The following PLPPR5 variants were observed in gnomAD, a reference collection of about 807,000 sequenced individuals.
The protein encoded by PLPPR5 is phospholipid phosphatase related 5, also known as phospholipid phosphatase-related protein type 5.
In PLPPR5, 16 loss-of-function variants were observed where a neutral mutation model predicts 33.9. The ratio of observed to expected loss-of-function variants is 0.47; its 90% CI spans 0.32 to 0.72. The LOEUF is 0.72. Ranked by LOEUF, PLPPR5 falls within the 30% of genes least tolerant of loss-of-function variation. The pLI is 0.03. For synonymous variants in PLPPR5, 163 were observed against 150.3 expected, an observed-to-expected ratio of 1.08 and a Z score of -0.62; for missense variants, 301 against 406.7, an observed-to-expected ratio of 0.74 and a Z score of 2.23.
chr1:98,922,115 AG>A, intron 3 of PLPPR5, 57 bp from the exon 4 acceptor site: 1 of 1,495,930 alleles, frequency 6.7e-7, no homozygotes, highest in Non-Finnish European at 9.2e-7. Flanking sequence ...TTATTAGCAT[AG>A]CATATTATGT....
chr1:98,940,920 C>T (rs1031875878), intron 3 of PLPPR5, among the ~76,000 whole-genome samples: 1 of 151,820 alleles, frequency 6.6e-6, no homozygotes, highest in African/African-American at 2.4e-5. Flanking sequence ...AATCAGAAGA[C>T]ACAAAAGCAG....
chr1:98,973,284 A>G (rs373263317), intron 1 of PLPPR5, among the ~76,000 whole-genome samples: 11 of 152,218 alleles, frequency 7.2e-5, no homozygotes, highest in African/African-American at 2.6e-4. Flanking sequence ...ATAAATACAA[A>G]TAATTGCAAT....
intron 1 of PLPPR5, among the ~76,000 whole-genome samples, chr1:98,997,988 T>C (rs1284682947): frequency 3.3e-5 from 5 of 150,642 alleles, no homozygotes; most frequent in African/African-American, 9.8e-5. Context: ...GTGGAAGAGG[T>C]GAAGGGAGAA....
At chr1:98,900,338 A>T (rs943016538) in intron 5 of PLPPR5, among the ~76,000 whole-genome samples, 1 of 152,044 alleles carries the variant, frequency 6.6e-6, no homozygotes, top group Non-Finnish European at 1.5e-5. Flanking sequence ...CACTTGGCTC[A>T]TGGTCCTGAA....
chr1:98,966,833 T>C (rs1302976919), intron 1 of PLPPR5, among the ~76,000 whole-genome samples: 1 of 152,142 alleles, frequency 6.6e-6, no homozygotes, highest in Admixed American at 6.5e-5. Context: ...CTGGGAAAGA[T>C]ATATGTCTAT....
intron 3 of PLPPR5, among the ~76,000 whole-genome samples, chr1:98,949,194 A>G (rs930033612): frequency 6.6e-6 from 1 of 152,152 alleles, no homozygotes; most frequent in Non-Finnish European, 1.5e-5. Flanking sequence ...AAATTTGATG[A>G]CTGAGAGTTA....
chr1:98,920,203 A>C (rs987554481), intron 4 of PLPPR5, among the ~76,000 whole-genome samples: 5 of 152,050 alleles, frequency 3.3e-5, no homozygotes, highest in African/African-American at 1.2e-4. Context: ...TGGCCTTGTA[A>C]GGTAAGGTGT....
Position 98,890,269 on chromosome 1 carries a change from AT to A in PLPPR5, c.*2802del, listed in dbSNP as rs146847299. The A allele has an allele frequency of 0.21, 32,186 of 152,472 alleles. 3,987 individuals are homozygous for A. Among genetic ancestry groups the A allele is most frequent in the Non-Finnish European group, 0.27 (18,593 of 67,952 alleles). 9.4% of individuals were successfully genotyped at this position (152,472 alleles called of 1,614,324 possible). A position where few individuals can be genotyped will look rare whatever the true frequency, so the allele number is the denominator to read the frequency against. On this transcript the variant is annotated 3_prime_UTR_variant, in exon 6 of 6. Coordinates refer to ENST00000263177, the MANE Select transcript of PLPPR5 (RefSeq NM_001037317.2). ...ATTCAGTTTTCAATTGAATTTTTAA[AT>A]TTTTATTTGAAAAATACAATACACA...
intron 5 of PLPPR5, among the ~76,000 whole-genome samples, chr1:98,904,942 C>T (rs1293391634): frequency 6.6e-6 from 1 of 152,204 alleles, no homozygotes; most frequent in East Asian, 1.9e-4. Flanking sequence ...TCCTCTAAAT[C>T]AGCACCTAAC....
intron 1 of PLPPR5, among the ~76,000 whole-genome samples, chr1:98,998,271 CAG>C (rs1317799187): frequency 6.6e-6 from 1 of 152,128 alleles, no homozygotes; most frequent in Non-Finnish European, 1.5e-5. Context: ...GCCTTAGAAA[CAG>C]AAGTACCTCC....
chr1:98,974,475 T>C (rs544937123), intron 1 of PLPPR5, among the ~76,000 whole-genome samples: 1 of 152,214 alleles, frequency 6.6e-6, no homozygotes, highest in South Asian at 2.1e-4. Flanking sequence ...ACTTAAATGA[T>C]GAAATCAATT....
chr1:98,895,250 T>A (rs1648430213), intron 5 of PLPPR5, among the ~76,000 whole-genome samples: 1 of 151,942 alleles, frequency 6.6e-6, no homozygotes, highest in African/African-American at 2.4e-5. Context: ...GCAAGTTTAG[T>A]CCCCTTCTCT....
chr1:98,909,087 A>G (rs1220210668), intron 5 of PLPPR5, among the ~76,000 whole-genome samples: 2 of 152,230 alleles, frequency 1.3e-5, no homozygotes, highest in East Asian at 1.9e-4. Context: ...AAAGGAAAGA[A>G]GAAAGGAAGG....
intron 5 of PLPPR5, among the ~76,000 whole-genome samples, chr1:98,897,381 T>G (rs1648519560): frequency 6.6e-6 from 1 of 152,226 alleles, no homozygotes; most frequent in Admixed American, 6.5e-5. Context: ...CAGGTTGATT[T>G]TGGCACACCT....
intron 3 of PLPPR5, among the ~76,000 whole-genome samples, chr1:98,945,715 A>C (rs1650524226): frequency 6.6e-6 from 1 of 152,234 alleles, no homozygotes; most frequent in Non-Finnish European, 1.5e-5. Context: ...AACTAGTACG[A>C]TAGTAGGCCA....
In PLPPR5 at chr1:98,980,401, T is replaced by A. The variant is rs538445593; in HGVS notation, c.238-23660A>T. On this transcript the variant is annotated intron_variant, in intron 1 of 5. Coordinates refer to ENST00000263177, the MANE Select transcript of PLPPR5 (RefSeq NM_001037317.2). ...ATAAAACTTATGCAAATCCAATTAA[T>A]CCAATCAAAACTTATTTGTGTAAAA... Among the ~76,000 whole-genome samples, 39 of 152,196 alleles carry A rather than the reference T, an allele frequency of 2.6e-4. 1 individual carries two copies. Among genetic ancestry groups the A allele is most frequent in the Admixed American group, 1.0e-3 (16 of 15,272 alleles).
At chr1:98,965,663 A>G (rs1482360926) in intron 1 of PLPPR5, among the ~76,000 whole-genome samples, 2 of 152,184 alleles carry the variant, frequency 1.3e-5, no homozygotes, top group African/African-American at 2.4e-5. Context: ...ACAGTCCTTG[A>G]TGACAAAATA....
chr1:98,949,700 A>G (rs527834978), intron 3 of PLPPR5, among the ~76,000 whole-genome samples: 1 of 152,312 alleles, frequency 6.6e-6, no homozygotes, highest in East Asian at 1.9e-4. Flanking sequence ...GAAAGTGGGA[A>G]AAAATATATT....
intron 1 of PLPPR5, among the ~76,000 whole-genome samples, chr1:98,963,085 CTG>C (rs1489278796): frequency 6.6e-6 from 1 of 152,226 alleles, no homozygotes; most frequent in Non-Finnish European, 1.5e-5. Flanking sequence ...TTCAGACACT[CTG>C]TGCTCTAGTC....
Sources: allele counts gnomAD v4.1 joint callset (sites outside exome capture counted in the v4.1 genomes callset), GRCh38; gene constraint gnomAD v4.1.1; transcripts MANE v1.5; gene names NCBI Gene and HGNC (gene_info 2026-07-23, HGNC 2026-07-21).